The following RUNX1 variants were observed in gnomAD, a reference collection of about 807,000 sequenced individuals.
The protein encoded by RUNX1 is runt-related transcription factor 1.
Under a neutral mutation model 42.8 loss-of-function variants are expected in RUNX1, and 19 were observed. The ratio of observed to expected loss-of-function variants is 0.44; its 90% confidence interval spans 0.31 to 0.65. RUNX1 has a LOEUF of 0.65. Ranked by LOEUF, RUNX1 falls within the 30% of genes least tolerant of loss-of-function variation. The pLI, the probability that RUNX1 is intolerant of heterozygous loss-of-function variation, is 0.07. For missense variants in RUNX1, 528 were observed against 672.0 expected (o/e 0.79, Z 2.37); for synonymous variants, 271 against 289.4 (o/e 0.94, Z 0.64).
chr21:34,910,641 T>C (rs990821119), intron 2 of RUNX1, among the ~76,000 whole-genome samples: 1 of 152,216 alleles, frequency 6.6e-6, no homozygotes, highest in Non-Finnish European at 1.5e-5. Flanking sequence ...GTCCAGGTGC[T>C]GCCCTGTGAG....
chr21:34,826,434 CTT>C (rs772880673), intron 7 of RUNX1, among the ~76,000 whole-genome samples: 154 of 105,344 alleles, frequency 1.5e-3, no homozygotes, highest in African/African-American at 4.9e-3. Flanking sequence ...TTCTTTCTTT[CTT>C]TTTTTTTTTT....
intron 6 of RUNX1, among the ~76,000 whole-genome samples, chr21:34,851,341 T>TA (rs1045604036): frequency 2.6e-5 from 4 of 152,254 alleles, no homozygotes; most frequent in African/African-American, 9.6e-5. Context: ...GGAACGAACT[T>TA]ACGGCTTTAT....
intron 2 of RUNX1, among the ~76,000 whole-genome samples, chr21:35,048,282 C>T (rs1360492965): frequency 1.3e-5 from 2 of 152,238 alleles, no homozygotes; most frequent in African/African-American, 2.4e-5. Flanking sequence ...CTCCTGTACT[C>T]TCTGCCTTAT....
chr21:35,043,104 G>GT (rs2059371347), intron 2 of RUNX1, among the ~76,000 whole-genome samples: 1 of 152,138 alleles, frequency 6.6e-6, no homozygotes, highest in Admixed American at 6.5e-5. Flanking sequence ...GTGACAGGAG[G>GT]TTTTGAGCCC....
At chr21:34,980,586 C>T (rs560452320) in intron 2 of RUNX1, among the ~76,000 whole-genome samples, 3 of 152,286 alleles carry the variant, frequency 2.0e-5, no homozygotes, top group African/African-American at 7.2e-5. Context: ...ATTTTCATTT[C>T]TGCTGAGTGT....
chr21:35,048,080 T>G (rs2147039020), intron 2 of RUNX1, among the ~76,000 whole-genome samples: 1 of 152,364 alleles, frequency 6.6e-6, no homozygotes, highest in Non-Finnish European at 1.5e-5. Flanking sequence ...GCCTGTAATC[T>G]AACGACTTAA....
At chr21:34,899,825 A>G (rs2058163401) in intron 2 of RUNX1, among the ~76,000 whole-genome samples, 1 of 152,228 alleles carries the variant, frequency 6.6e-6, no homozygotes, top group Non-Finnish European at 1.5e-5. Flanking sequence ...AAATTTCCTT[A>G]TTAGATCCTG....
chr21:34,969,968 G>A (rs951430027), intron 2 of RUNX1, among the ~76,000 whole-genome samples: 1 of 152,202 alleles, frequency 6.6e-6, no homozygotes, highest in Non-Finnish European at 1.5e-5. Context: ...GACATTTCTT[G>A]CAGTGACCAT....
chr21:34,974,264 C>T (rs1346095569), intron 2 of RUNX1, among the ~76,000 whole-genome samples: 1 of 152,114 alleles, frequency 6.6e-6, no homozygotes, highest in Non-Finnish European at 1.5e-5. Flanking sequence ...CACCAGTCAC[C>T]TCCACACAGG....
In RUNX1 at chr21:34,901,254, G is replaced by A. The variant is rs1047373572; in HGVS notation, c.59-8291C>T. Among the ~76,000 whole-genome samples the A allele has an allele frequency of 3.3e-5, 5 of 152,126 alleles. No individual in the cohort carries two copies. The highest frequency in any genetic ancestry group is 1.2e-4 in the African/African-American group (5 of 41,412). ...TGGCTGGTCACGGTGGGTCACGCCT[G>A]TAATCCCAGCACTTTGGGAGGCAGA... On this transcript the variant is annotated intron_variant, in intron 2 of 8. Transcript: ENST00000675419. The surrounding 1 kb of genome is among the most constrained non-coding windows in gnomAD (Gnocchi z 4.3).
intron 7 of RUNX1, among the ~76,000 whole-genome samples, chr21:34,817,503 G>A (rs1036274590): frequency 6.6e-6 from 1 of 152,166 alleles, no homozygotes; most frequent in African/African-American, 2.4e-5. Context: ...GGATGAGAAG[G>A]ATAGGGCTGC....
At chr21:34,851,370 T>C (rs2057416030) in intron 6 of RUNX1, among the ~76,000 whole-genome samples, 1 of 152,228 alleles carries the variant, frequency 6.6e-6, no homozygotes, top group African/African-American at 2.4e-5. Flanking sequence ...CCATATTTTG[T>C]TACCCTTTTT....
chr21:34,794,455 A>G (rs1294479493), intron 8 of RUNX1, among the ~76,000 whole-genome samples: 1 of 152,216 alleles, frequency 6.6e-6, no homozygotes, highest in Non-Finnish European at 1.5e-5. Flanking sequence ...TATGCACTTC[A>G]CTAGTTTGTT....
intron 5 of RUNX1, among the ~76,000 whole-genome samples, chr21:34,860,527 G>A (rs1346192650): frequency 8.5e-6 from 1 of 117,418 alleles, no homozygotes; most frequent in Non-Finnish European, 1.9e-5. Flanking sequence ...GGGTGTGTCT[G>A]TGCGTGTGTG....
chr21:34,985,958 A>G (rs573213327), intron 2 of RUNX1, among the ~76,000 whole-genome samples: 10 of 147,364 alleles, frequency 6.8e-5, no homozygotes, highest in African/African-American at 1.5e-4. Context: ...TGCAGCCTCA[A>G]CCTCCTAGGC....
chr21:34,834,335 G>A (rs978267062), intron 7 of RUNX1, 75 bp downstream of exon 7: 8 of 1,467,122 alleles, frequency 5.5e-6, no homozygotes, highest in Non-Finnish European at 7.6e-6. Flanking sequence ...GGGAAGGTGT[G>A]TGCACATGGG....
At position 34,997,489 on chromosome 21, in the gene RUNX1, C is replaced by G. The variant is rs551487772; in HGVS notation, c.58+51353G>C. Among the ~76,000 whole-genome samples, 60 of 152,274 alleles carry G rather than the reference C, an allele frequency of 3.9e-4. No homozygotes were observed. The South Asian group carries it at 0.012, about 30-fold the overall frequency. On this transcript the variant is annotated intron_variant, in intron 2 of 8. Transcript: ENST00000675419. Reference sequence around the variant, plus strand: ...AGATGGTGTGTGGAACACCAGATAGCCGGAGGAAAGGGGAAACTCTTCCTT... The same window carrying G: ...AGATGGTGTGTGGAACACCAGATAGGCGGAGGAAAGGGGAAACTCTTCCTT...
At position 34,792,611 on chromosome 21, in the gene RUNX1, C is replaced by G. The variant is rs778412861; in HGVS notation, c.968-1G>C. 1 of 1,582,616 alleles carries G rather than the reference C, an allele frequency of 6.3e-7. No homozygotes were observed. Among genetic ancestry groups the G allele is most frequent in the South Asian group, 1.2e-5 (1 of 86,752 alleles). ...CTGAACGCTGTCAGGTCGGGTGCCG[C>G]TGCAGGGCGGGCAAGAGAACGGAGC... On this transcript the variant is annotated splice_acceptor_variant, in intron 8 of 8. Coordinates refer to ENST00000675419, the MANE Select transcript of RUNX1 (RefSeq NM_001754.5). LOFTEE classifies it high-confidence loss of function. The surrounding 1 kb of genome is among the most constrained non-coding windows in gnomAD (Gnocchi z 6.9).
Position 34,792,122 on chromosome 21 carries a change from C to G in RUNX1, c.*13G>C. The G allele has an allele frequency of 2.8e-6, 4 of 1,405,800 alleles. No homozygotes were observed. Among genetic ancestry groups the G allele is most frequent in the Non-Finnish European group, 3.7e-6 (4 of 1,089,586 alleles). 87.1% of individuals were successfully genotyped at this position (1,405,800 alleles called of 1,614,324 possible). On this transcript the variant is annotated 3_prime_UTR_variant, in exon 9 of 9. Coordinates refer to ENST00000675419, the MANE Select transcript of RUNX1 (RefSeq NM_001754.5). The surrounding 1 kb of genome is among the most constrained non-coding windows in gnomAD (Gnocchi z 6.9). ...GGCGGCCCGCGGGGCCCAGCCGGGC[C>G]AGGCCTGGCGCCTCAGTAGGGCCTC... is the stretch of plus-strand genomic sequence containing the variant.
Sources: allele counts gnomAD v4.1 joint callset (sites outside exome capture counted in the v4.1 genomes callset), GRCh38; gene constraint gnomAD v4.1.1; non-coding constraint Gnocchi (gnomAD v3.1); transcripts MANE v1.5; gene names NCBI Gene and HGNC (gene_info 2026-07-23, HGNC 2026-07-21).